The following MAGI3 variants were observed in gnomAD, a reference collection of about 807,000 sequenced individuals.
The protein encoded by MAGI3 is membrane-associated guanylate kinase, WW and PDZ domain-containing protein 3.
Under a neutral mutation model 121.8 loss-of-function variants are expected in MAGI3, and 43 were observed. That is an observed-to-expected ratio of 0.35 (90% CI 0.28 to 0.46). The LOEUF is 0.46. Ranked by LOEUF, MAGI3 falls within the 20% of genes least tolerant of loss-of-function variation. MAGI3 has a pLI of 1.00. For synonymous variants in MAGI3, 553 were observed against 639.3 expected (o/e 0.86, Z 2.04); for missense variants, 1,547 against 1,797.3 (o/e 0.86, Z 2.52).
intron 20 of MAGI3, 195 bp from the exon 21 acceptor site, chr1:113,682,702 T>A: frequency 1.0e-6 from 1 of 979,536 alleles, no homozygotes. Flanking sequence ...AAACAACCCA[T>A]CCTTCATGTA....
intron 1 of MAGI3, among the ~76,000 whole-genome samples, chr1:113,418,600 T>A (rs1652575606): frequency 6.6e-6 from 1 of 152,150 alleles, no homozygotes; most frequent in Non-Finnish European, 1.5e-5. Flanking sequence ...TCTCTTTTTT[T>A]AATTTATAAA....
Position 113,684,854 on chromosome 1 carries a change from T to C in MAGI3, c.*840T>C, listed in dbSNP as rs1648452042. ...CATAAAGAAGCATGTGGAAATAGTGTTTATTGCTCTTTGAAGAAAAACCAC... is the reference window on the plus strand; with the variant it reads ...CATAAAGAAGCATGTGGAAATAGTGCTTATTGCTCTTTGAAGAAAAACCAC... On this transcript the variant is annotated 3_prime_UTR_variant, in exon 21 of 21. Coordinates refer to ENST00000307546, the MANE Select transcript of MAGI3 (RefSeq NM_001142782.2). The C allele has an allele frequency of 6.6e-6, 1 of 152,374 alleles. No homozygotes were observed. The highest frequency in any genetic ancestry group is 6.5e-5 in the Admixed American group (1 of 15,278). 9.4% of individuals were successfully genotyped at this position (152,374 alleles called of 1,614,324 possible). A position where few individuals can be genotyped will look rare whatever the true frequency, so the allele number is the denominator to read the frequency against.
chr1:113,560,111 A>G (rs1474158391), intron 2 of MAGI3, among the ~76,000 whole-genome samples: 2 of 151,140 alleles, frequency 1.3e-5, no homozygotes, highest in African/African-American at 4.9e-5. Context: ...TCTAAAACTG[A>G]TCACATAATC....
intron 1 of MAGI3, among the ~76,000 whole-genome samples, chr1:113,455,937 G>GT (rs1426087575): frequency 6.6e-6 from 1 of 151,244 alleles, no homozygotes; most frequent in Non-Finnish European, 1.5e-5. Context: ...AACCTCTTCC[G>GT]TTTTTTCTTT....
At chr1:113,528,294 C>CTTT (rs60603067) in intron 1 of MAGI3, among the ~76,000 whole-genome samples, 1 of 138,194 alleles carries the variant, frequency 7.2e-6, no homozygotes, top group Non-Finnish European at 1.6e-5. Context: ...CTCCCCCAAC[C>CTTT]TTTTTTTTTT....
chr1:113,585,308 C>A, intron 3 of MAGI3, 79 bp from the exon 4 acceptor site: 1 of 1,319,178 alleles, frequency 7.6e-7, no homozygotes, highest in Non-Finnish European at 1.1e-6. Context: ...AAAAACAGGG[C>A]AGAGACATAC....
rs1648621340 is a variant in MAGI3 at position 113,590,423 on chromosome 1, T to C, written c.764-61T>C. 3.9e-6 allele frequency: 6 copies of C among 1,532,548 alleles called. No homozygotes were observed. In the East Asian group the frequency reaches 1.1e-4, roughly 29 times the overall value. 94.9% of individuals were successfully genotyped at this position (1,532,548 alleles called of 1,614,324 possible). On this transcript the variant is annotated intron_variant, in intron 4 of 20. Coordinates refer to ENST00000307546, the MANE Select transcript of MAGI3 (RefSeq NM_001142782.2). ...GAATTTTTTTAGAAAGGAAAGGTGC[T>C]GTTTGAAGAAGAATATAACTTTACC...
intron 6 of MAGI3, among the ~76,000 whole-genome samples, chr1:113,599,291 T>C (rs1025835523): frequency 6.6e-6 from 1 of 152,032 alleles, no homozygotes; most frequent in Admixed American, 6.5e-5. Context: ...GCTGGTTTTT[T>C]GAAAGGATCA....
rs371807243 is a variant in MAGI3 at position 113,414,856 on chromosome 1, T to C, written c.316+23507T>C. Among the ~76,000 whole-genome samples the C allele has an allele frequency of 3.3e-5, 5 of 152,202 alleles. No homozygotes were observed. In the East Asian group the frequency reaches 9.7e-4, roughly 29 times the overall value. ...ATTTATTTCAATCCAAGCTAACATA[T>C]ATTACTAAAGCAGATTTAAATAAAT... On this transcript the variant is annotated intron_variant, in intron 1 of 20. Transcript: ENST00000307546.
At chr1:113,671,969 C>A in intron 17 of MAGI3, 133 bp downstream of exon 17, 1 of 763,146 alleles carries the variant, frequency 1.3e-6, no homozygotes, top group Non-Finnish European at 2.2e-6. Flanking sequence ...GTCAAAATGA[C>A]AACTCTTGCC....
intron 1 of MAGI3, among the ~76,000 whole-genome samples, chr1:113,530,265 G>A (rs1314669432): frequency 6.6e-6 from 1 of 151,328 alleles, no homozygotes; most frequent in African/African-American, 2.4e-5. Context: ...AGTTGATTCC[G>A]GCTGTCTGCA....
At chr1:113,539,337 G>A (rs1351977638) in intron 1 of MAGI3, among the ~76,000 whole-genome samples, 1 of 150,740 alleles carries the variant, frequency 6.6e-6, no homozygotes, top group Non-Finnish European at 1.5e-5. Context: ...AGGTTGCAGT[G>A]AGCCAAGATC....
intron 1 of MAGI3, among the ~76,000 whole-genome samples, chr1:113,505,660 G>T (rs1657291764): frequency 6.6e-6 from 1 of 152,018 alleles, no homozygotes; most frequent in Non-Finnish European, 1.5e-5. Context: ...TAACTATTTT[G>T]GATAAGGTAG....
chr1:113,519,391 C>T (rs1214001634), intron 1 of MAGI3, among the ~76,000 whole-genome samples: 3 of 152,104 alleles, frequency 2.0e-5, no homozygotes, highest in Non-Finnish European at 4.4e-5. Context: ...ATCTTAATGA[C>T]TCCTATTAAA....
intron 1 of MAGI3, among the ~76,000 whole-genome samples, chr1:113,449,295 T>G (rs1654349118): frequency 6.6e-6 from 1 of 151,996 alleles, no homozygotes; most frequent in Non-Finnish European, 1.5e-5. Context: ...GAGTGGTGAA[T>G]TTCCTCGTTT....
chr1:113,531,178 T>C (rs1658702158), intron 1 of MAGI3, among the ~76,000 whole-genome samples: 1 of 152,096 alleles, frequency 6.6e-6, no homozygotes, highest in Non-Finnish European at 1.5e-5. Flanking sequence ...TATAAATCAG[T>C]GTTTATTGAG....
intron 3 of MAGI3, among the ~76,000 whole-genome samples, chr1:113,585,060 T>C (rs1188139078): frequency 8.2e-5 from 12 of 146,414 alleles, no homozygotes; most frequent in Non-Finnish European, 1.6e-4. Flanking sequence ...CTCTGCCTCC[T>C]AGATTCAAGT....
chr1:113,527,119 C>A (rs894223802), intron 1 of MAGI3, among the ~76,000 whole-genome samples: 4 of 151,710 alleles, frequency 2.6e-5, no homozygotes, highest in Non-Finnish European at 4.4e-5. Flanking sequence ...GTTATTGTTG[C>A]AATTGTTAAT....
At chr1:113,423,635 A>G (rs1171796404) in intron 1 of MAGI3, among the ~76,000 whole-genome samples, 2 of 152,124 alleles carry the variant, frequency 1.3e-5, no homozygotes, top group South Asian at 2.1e-4. Flanking sequence ...ATGCGCAGCC[A>G]TGGGTAGGCC....
Sources: allele counts gnomAD v4.1 joint callset (sites outside exome capture counted in the v4.1 genomes callset), GRCh38; gene constraint gnomAD v4.1.1; transcripts MANE v1.5; gene names NCBI Gene and HGNC (gene_info 2026-07-23, HGNC 2026-07-21).